Variants in PHACTR4 observed in about 807,000 individuals in gnomAD.
The protein encoded by PHACTR4 is phosphatase and actin regulator 4.
PHACTR4 carries 51 observed loss-of-function variants against 72.7 expected under a neutral mutation model. The observed-to-expected ratio is 0.70, with a 90% CI of 0.56 to 0.89. The LOEUF is 0.89. Ranked by LOEUF, PHACTR4 falls within the 40% of genes least tolerant of loss-of-function variation. PHACTR4 has a pLI of 0.00. For missense variants in PHACTR4, 731 were observed against 861.8 expected, an observed-to-expected ratio of 0.85 and a Z score of 1.90; for synonymous variants, 255 against 302.5, an observed-to-expected ratio of 0.84 and a Z score of 1.63.
At chr1:28,428,777 A>G (rs1656033924) in intron 2 of PHACTR4, among the ~76,000 whole-genome samples, 1 of 152,170 alleles carries the variant, frequency 6.6e-6, no homozygotes, top group Non-Finnish European at 1.5e-5. Flanking sequence ...GAAGGAGAGG[A>G]GCCAAAATAT....
At chr1:28,430,536 G>A (rs190805159) in intron 2 of PHACTR4, among the ~76,000 whole-genome samples, 63 of 152,282 alleles carry the variant, frequency 4.1e-4, no homozygotes, top group Non-Finnish European at 2.4e-4. Flanking sequence ...CCAGCCTAGA[G>A]TAGATCATGG....
chr1:28,457,888 T>C, intron 2 of PHACTR4: 1 of 984,448 alleles, frequency 1.0e-6, no homozygotes, highest in Non-Finnish European at 1.2e-6. Context: ...TTGTGTACCT[T>C]CCTGCTTTTT....
At chr1:28,391,902 C>T (rs914349154) in intron 1 of PHACTR4, among the ~76,000 whole-genome samples, 5 of 151,878 alleles carry the variant, frequency 3.3e-5, no homozygotes, top group Non-Finnish European at 7.4e-5. Context: ...CCACCACGCC[C>T]GGCCACTAAA....
chr1:28,388,294 A>T (rs763280329), intron 1 of PHACTR4, among the ~76,000 whole-genome samples: 1 of 152,366 alleles, frequency 6.6e-6, no homozygotes, highest in Middle Eastern at 3.4e-3. Context: ...ATAAAGCCAG[A>T]GGCATCATAC....
intron 1 of PHACTR4, among the ~76,000 whole-genome samples, chr1:28,384,283 A>C (rs781466809): frequency 6.6e-6 from 1 of 152,074 alleles, no homozygotes; most frequent in Admixed American, 6.6e-5. Context: ...CTGTGAATCC[A>C]TCCGGTCCTG....
At chr1:28,456,146 G>A (rs1306098489) in intron 2 of PHACTR4, among the ~76,000 whole-genome samples, 1 of 152,076 alleles carries the variant, frequency 6.6e-6, no homozygotes, top group Admixed American at 6.6e-5. Context: ...TCGTGGTTCT[G>A]TAGGCTGTAC....
At chr1:28,432,298 T>G (rs1358186430) in intron 2 of PHACTR4, among the ~76,000 whole-genome samples, 3 of 151,906 alleles carry the variant, frequency 2.0e-5, no homozygotes, top group Non-Finnish European at 4.4e-5. Context: ...AAGGAAGGCT[T>G]AGGTCGGGTG....
intron 9 of PHACTR4, among the ~76,000 whole-genome samples, chr1:28,484,518 G>T (rs997766038): frequency 2.6e-5 from 4 of 151,412 alleles, no homozygotes; most frequent in Non-Finnish European, 5.9e-5. Context: ...ATGTGTGTAT[G>T]TGTATATATG....
At chr1:28,459,022 A>C (rs879183061) in intron 2 of PHACTR4, 63 bp from the exon 3 acceptor site, 7 of 1,448,164 alleles carry the variant, frequency 4.8e-6, no homozygotes, top group Non-Finnish European at 4.7e-6. Flanking sequence ...GGGAAGGGAC[A>C]TTTTAGAGAT....
At chr1:28,451,470 G>A (rs1319348637) in intron 2 of PHACTR4, among the ~76,000 whole-genome samples, 1 of 147,048 alleles carries the variant, frequency 6.8e-6, no homozygotes, top group African/African-American at 2.5e-5. Context: ...CAGGTGCAAT[G>A]ATACATATCA....
chr1:28,431,402 C>T (rs1040768843), intron 2 of PHACTR4, among the ~76,000 whole-genome samples: 1 of 150,908 alleles, frequency 6.6e-6, no homozygotes, highest in African/African-American at 2.4e-5. Context: ...ACCATGTTAG[C>T]CAGGATGGTC....
At chr1:28,413,244 C>T (rs1290141004) in intron 2 of PHACTR4, among the ~76,000 whole-genome samples, 2 of 152,222 alleles carry the variant, frequency 1.3e-5, no homozygotes, top group African/African-American at 2.4e-5. Flanking sequence ...GGGCCAGGCT[C>T]ACCTGGGTAC....
chr1:28,381,757 A>T (rs574439938), intron 1 of PHACTR4, among the ~76,000 whole-genome samples: 3 of 152,086 alleles, frequency 2.0e-5, no homozygotes, highest in Non-Finnish European at 2.9e-5. Context: ...ATGTCAGTTC[A>T]TGTCCTTTGC....
chr1:28,380,533 G>A (rs1011219679), intron 1 of PHACTR4, among the ~76,000 whole-genome samples: 1 of 152,148 alleles, frequency 6.6e-6, no homozygotes, highest in Non-Finnish European at 1.5e-5. Context: ...ATAGGCACCA[G>A]TGAGTGTTGT....
chr1:28,484,552 G>A (rs1011175756), intron 9 of PHACTR4, among the ~76,000 whole-genome samples: 1 of 151,038 alleles, frequency 6.6e-6, no homozygotes, highest in African/African-American at 2.4e-5. Flanking sequence ...ATATATGTGT[G>A]TATGTAATAT....
chr1:28,413,386 C>CT (rs1226548616), intron 2 of PHACTR4, among the ~76,000 whole-genome samples: 3 of 152,164 alleles, frequency 2.0e-5, no homozygotes, highest in Non-Finnish European at 4.4e-5. Context: ...TGGTACGCAA[C>CT]TGTCATCCTG....
At chr1:28,393,896 A>G (rs1223053733) in intron 1 of PHACTR4, among the ~76,000 whole-genome samples, 1 of 151,762 alleles carries the variant, frequency 6.6e-6, no homozygotes, top group Admixed American at 6.6e-5. Context: ...TCTTCCCTGT[A>G]GAGACAAGGT....
chr1:28,373,475 A>C (rs1282141102), intron 1 of PHACTR4, among the ~76,000 whole-genome samples: 1 of 152,054 alleles, frequency 6.6e-6, no homozygotes, highest in Non-Finnish European at 1.5e-5. Flanking sequence ...TTTTTAGTAG[A>C]GACGGGAATT....
Position 28,480,489 on chromosome 1 carries a change from G to C in PHACTR4, c.1645G>C (p.Ala549Pro). The change falls in exon 9 of 14, where the codon GCA becomes CCA. Residue 549 changes from alanine to proline, a missense_variant. Physicochemically the swap from Ala to Pro is conservative, Grantham distance 27. Coordinates refer to ENST00000373839, the MANE Select transcript of PHACTR4 (RefSeq NM_001048183.3). ...ANKVKRKDTL[A>P]MKLNHRPSEP... Reference sequence around the variant, plus strand: ...CAAAGTGAAGAGGAAAGACACACTGGCAATGAAGTTGAACCACAGACCCAG... The same window carrying C: ...CAAAGTGAAGAGGAAAGACACACTGCCAATGAAGTTGAACCACAGACCCAG... 1 of 1,614,112 alleles carries C rather than the reference G, an allele frequency of 6.2e-7. No individual in the cohort carries two copies. Among genetic ancestry groups the C allele is most frequent in the East Asian group, 2.2e-5 (1 of 44,880 alleles).
Sources: gnomAD v4.1 joint callset for allele counts (sites outside exome capture counted in the v4.1 genomes callset) on GRCh38, gnomAD v4.1.1 for gene constraint, MANE v1.5 for transcripts, NCBI Gene and HGNC (gene_info 2026-07-23, HGNC 2026-07-21) for gene names.